Variants in LCLAT1 observed in about 807,000 individuals in gnomAD.
The protein encoded by LCLAT1 is lysocardiolipin acyltransferase 1.
LCLAT1 carries 11 observed loss-of-function variants against 30.7 expected under a neutral mutation model. The ratio of observed to expected loss-of-function variants is 0.36; its 90% CI spans 0.23 to 0.59. The LOEUF is 0.59. Ranked by LOEUF, LCLAT1 falls within the 20% of genes least tolerant of loss-of-function variation. The pLI is 0.77. For missense variants in LCLAT1, 402 were observed against 458.6 expected (o/e 0.88, Z 1.13); for synonymous variants, 155 against 151.3 (o/e 1.02, Z -0.18).
At chr2:30,449,246 G>A (rs1438785563) in intron 1 of LCLAT1, among the ~76,000 whole-genome samples, 2 of 152,122 alleles carry the variant, frequency 1.3e-5, no homozygotes, top group Non-Finnish European at 2.9e-5. Context: ...ATTAATTCAT[G>A]TACAAATTTT....
chr2:30,493,892 G>A (rs905516767), intron 1 of LCLAT1, among the ~76,000 whole-genome samples: 1 of 152,122 alleles, frequency 6.6e-6, no homozygotes, highest in Non-Finnish European at 1.5e-5. Flanking sequence ...AGTGGCTCAT[G>A]CCTATAACCC....
intron 5 of LCLAT1, among the ~76,000 whole-genome samples, chr2:30,639,302 T>A (rs959429703): frequency 6.6e-6 from 1 of 152,190 alleles, no homozygotes; most frequent in Non-Finnish European, 1.5e-5. Context: ...GCCTCCCCAG[T>A]TACGTTGAGA....
intron 5 of LCLAT1, among the ~76,000 whole-genome samples, chr2:30,635,756 C>T (rs1313415551): frequency 6.6e-6 from 1 of 152,124 alleles, no homozygotes; most frequent in Non-Finnish European, 1.5e-5. Flanking sequence ...TTACTATGTG[C>T]CAAGTACTGT....
chr2:30,574,374 C>A (rs1327597644), intron 5 of LCLAT1, among the ~76,000 whole-genome samples: 1 of 152,014 alleles, frequency 6.6e-6, no homozygotes, highest in Non-Finnish European at 1.5e-5. Flanking sequence ...TCAAAGCAAG[C>A]CAGATGATTA....
chr2:30,619,681 G>A (rs1430949791), intron 5 of LCLAT1, among the ~76,000 whole-genome samples: 2 of 152,194 alleles, frequency 1.3e-5, no homozygotes, highest in African/African-American at 4.8e-5. Context: ...AATAAGCTGA[G>A]CATGCCAAAT....
intron 3 of LCLAT1, among the ~76,000 whole-genome samples, chr2:30,538,693 A>G (rs1663941335): frequency 6.6e-6 from 1 of 151,570 alleles, no homozygotes; most frequent in Non-Finnish European, 1.5e-5. Flanking sequence ...GAAATGTAAT[A>G]TGAGATATTA....
intron 1 of LCLAT1, among the ~76,000 whole-genome samples, chr2:30,491,524 C>T (rs992247222): frequency 6.6e-6 from 1 of 152,116 alleles, no homozygotes; most frequent in Non-Finnish European, 1.5e-5. Flanking sequence ...GGTATTGCCT[C>T]ATTAAACTAG....
intron 2 of LCLAT1, 22 bp downstream of exon 2, chr2:30,525,777 ACTGT>A (rs1380569195): frequency 1.9e-6 from 3 of 1,612,358 alleles, no homozygotes; most frequent in South Asian, 2.2e-5. Flanking sequence ...ACCAGAGGAG[ACTGT>A]CTGCTTGTAC....
intron 5 of LCLAT1, among the ~76,000 whole-genome samples, chr2:30,636,683 T>TG (rs1308018239): frequency 6.6e-6 from 1 of 152,028 alleles, no homozygotes; most frequent in Non-Finnish European, 1.5e-5. Context: ...CAGACACACA[T>TG]GGTACACACA....
chr2:30,563,478 T>C (rs564020421), intron 4 of LCLAT1, among the ~76,000 whole-genome samples: 2 of 152,192 alleles, frequency 1.3e-5, no homozygotes, highest in African/African-American at 4.8e-5. Context: ...AAGACTAAAA[T>C]GTACCTTTGA....
At chr2:30,457,306 T>G (rs1047079782) in intron 1 of LCLAT1, among the ~76,000 whole-genome samples, 2 of 152,156 alleles carry the variant, frequency 1.3e-5, no homozygotes, top group South Asian at 2.1e-4. Context: ...GTGTAGCAGT[T>G]CAGATCTGTG....
chr2:30,486,066 A>C (rs829681), intron 1 of LCLAT1, among the ~76,000 whole-genome samples: 123,191 of 151,986 alleles, frequency 0.81, 50,181 homozygotes, highest in East Asian at 0.94. Flanking sequence ...AGGACTAAAT[A>C]TTTTCTAATT....
At chr2:30,506,400 A>C (rs1052773656) in intron 1 of LCLAT1, among the ~76,000 whole-genome samples, 3 of 152,044 alleles carry the variant, frequency 2.0e-5, no homozygotes, top group Admixed American at 1.3e-4. Flanking sequence ...TATAATAGAG[A>C]CAGTGTTTTA....
At chr2:30,538,497 T>C (rs2148405459) in intron 3 of LCLAT1, among the ~76,000 whole-genome samples, 1 of 151,854 alleles carries the variant, frequency 6.6e-6, no homozygotes, top group South Asian at 2.1e-4. Flanking sequence ...AAAAATTAGG[T>C]GATGGTGGGC....
chr2:30,527,135 A>G (rs1483521398), intron 2 of LCLAT1, among the ~76,000 whole-genome samples: 1 of 152,216 alleles, frequency 6.6e-6, no homozygotes, highest in Non-Finnish European at 1.5e-5. Context: ...AACGTCATCT[A>G]CAAACTGTAT....
chr2:30,475,627 A>G (rs1171446120), intron 1 of LCLAT1, among the ~76,000 whole-genome samples: 1 of 152,170 alleles, frequency 6.6e-6, no homozygotes, highest in Non-Finnish European at 1.5e-5. Context: ...TAATTTTTAA[A>G]TTGGCATGCC....
At chr2:30,579,926 G>T (rs1180593089) in intron 5 of LCLAT1, among the ~76,000 whole-genome samples, 1 of 152,026 alleles carries the variant, frequency 6.6e-6, no homozygotes, top group South Asian at 2.1e-4. Context: ...TTAGAATAAG[G>T]CTTTAGCATC....
chr2:30,515,692 T>C lies in LCLAT1; in HGVS notation c.-4-9895T>C, dbSNP rs112174179. Reference sequence around the variant, plus strand: ...AAAATGTTATATGCCCTTTTAAAACTGCACTTAGTTTTCAAATGTCTTTTT... The same window carrying C: ...AAAATGTTATATGCCCTTTTAAAACCGCACTTAGTTTTCAAATGTCTTTTT... On this transcript the variant is annotated intron_variant, in intron 1 of 5. Transcript: ENST00000379509. 9.9e-3 allele frequency among the ~76,000 whole-genome samples: 1,505 copies of C among 152,334 alleles called. 21 individuals carry two copies. The highest frequency in any genetic ancestry group is 0.034 in the African/African-American group (1,405 of 41,568).
rs1484280571 is a variant in LCLAT1 at position 30,568,075 on chromosome 2, G to A, written c.527G>A (p.Arg176Gln). The change falls in exon 5 of 6, where the codon CGA (arginine) becomes CAA (glutamine). Residue 176 changes from arginine (R) to glutamine (Q), a missense_variant. By Grantham distance (43) the Arg-to-Gln change is conservative. Transcript: ENST00000379509. ...GTDLTENSKS[R>Q]SNAFAEKNGL... is the part of the protein sequence containing the mutation. Reference sequence around the variant, plus strand: ...TTTTGTTTAGAAAACAGCAAGTCTCGAAGTAATGCATTTGCTGAAAAAAAT... The same window carrying A: ...TTTTGTTTAGAAAACAGCAAGTCTCAAAGTAATGCATTTGCTGAAAAAAAT... 5.1e-6 allele frequency: 8 copies of A among 1,563,998 alleles called. No individual in the cohort carries two copies. The highest frequency in any genetic ancestry group is 2.7e-5 in the African/African-American group (2 of 73,408).
Sources: gnomAD v4.1 joint callset for allele counts (sites outside exome capture counted in the v4.1 genomes callset) on GRCh38, gnomAD v4.1.1 for gene constraint, MANE v1.5 for transcripts, NCBI Gene and HGNC (gene_info 2026-07-23, HGNC 2026-07-21) for gene names.